The following DMXL1 variants were observed in gnomAD, a reference collection of about 807,000 sequenced individuals.
DMXL1 encodes Dmx like 1.
In DMXL1, 99 loss-of-function variants were observed where a neutral mutation model predicts 319.2. The observed-to-expected ratio is 0.31, with a 90% CI of 0.26 to 0.37. The LOEUF (loss-of-function observed/expected upper bound fraction) is 0.37. DMXL1 is among the 10% of genes least tolerant of loss of function. DMXL1 has a pLI of 1.00. For synonymous variants in DMXL1, 1,385 were observed against 1,235.2 expected, an observed-to-expected ratio of 1.12 and a Z score of -2.54; for missense variants, 3,745 against 3,595.6, an observed-to-expected ratio of 1.04 and a Z score of -1.06.
At chr5:119,147,210 C>G in intron 16 of DMXL1, 39 bp from the exon 17 acceptor site, 2 of 1,547,226 alleles carry the variant, frequency 1.3e-6, no homozygotes, top group Non-Finnish European at 1.8e-6. Context: ...TATAGGGTTC[C>G]CCTGCCTCAG....
intron 25 of DMXL1, among the ~76,000 whole-genome samples, chr5:119,173,776 G>GTGTATTTATATATATATATATATATA: frequency 1.5e-5 from 1 of 67,170 alleles, no homozygotes. Flanking sequence ...ATGTGTGTGT[G>GTGTATTTATATATATATATATATATA]TATATATATA....
At chr5:119,124,066 T>C (rs1367980951) in intron 9 of DMXL1, among the ~76,000 whole-genome samples, 5 of 151,380 alleles carry the variant, frequency 3.3e-5, no homozygotes, top group Admixed American at 2.6e-4. Context: ...CCCAACACTT[T>C]GGGAGGCTGA....
rs1193779331 is a variant in DMXL1, at chr5:119,134,117, T to G, written c.2193T>G (p.Leu731=). 3 of 1,614,082 alleles carry G rather than the reference T, an allele frequency of 1.9e-6. No homozygotes were observed. The highest frequency in any genetic ancestry group is 1.7e-6 in the Non-Finnish European group (2 of 1,180,052). Residue 731 remains leucine, a synonymous_variant, in exon 12 of 44, where the codon CTT becomes CTG. Coordinates refer to ENST00000539542, the MANE Select transcript of DMXL1 (RefSeq NM_001290321.3). ...CTGAGCTTGCCCGGATTAATTCTCT[T>G]CATGTTTCTGCCTTTTCCAATGTGG... ...GVSELARINS[L]HVSAFSNVAW...
chr5:119,162,144 A>G (rs920338062), intron 19 of DMXL1, among the ~76,000 whole-genome samples: 6 of 152,096 alleles, frequency 3.9e-5, no homozygotes, highest in Admixed American at 2.0e-4. Context: ...ACCGCAAGCA[A>G]ATCAGCTGGG....
chr5:119,214,628 C>G (rs1783368931), intron 34 of DMXL1, among the ~76,000 whole-genome samples: 1 of 152,056 alleles, frequency 6.6e-6, no homozygotes. Context: ...TGACCCACCC[C>G]CATGACATTC....
chr5:119,223,011 A>C (rs2150595199), intron 37 of DMXL1, among the ~76,000 whole-genome samples: 1 of 144,402 alleles, frequency 6.9e-6, no homozygotes, highest in South Asian at 2.2e-4. Flanking sequence ...CATCTTTATT[A>C]TCCCTTGCGC....
Position 119,216,262 on chromosome 5 carries a change from A to G in DMXL1, c.7927-639A>G, listed in dbSNP as rs192613657. On this transcript the variant is annotated intron_variant, in intron 34 of 43. Transcript: ENST00000539542. ...CCAAAGATGTATACACTTTGTCTGG[A>G]GTAAGCAGAAGGTCAAATATATGTC... Among the ~76,000 whole-genome samples, 9 of 152,270 alleles carry G rather than the reference A, an allele frequency of 5.9e-5. No homozygotes were observed. In the East Asian group the frequency reaches 1.5e-3, roughly 26 times the overall value.
chr5:119,237,156 A>T (rs1787909450), intron 39 of DMXL1, 166 bp from the exon 40 acceptor site: 1 of 394,650 alleles, frequency 2.5e-6, no homozygotes, highest in African/African-American at 2.1e-5. Flanking sequence ...TTAAAGTAGT[A>T]GCTGAATGTT....
chr5:119,149,137 A>C lies in DMXL1; in HGVS notation c.3310A>C (p.Thr1104Pro), dbSNP rs748359855. 1.9e-6 allele frequency: 3 copies of C among 1,613,998 alleles called. No individual in the cohort carries two copies. The South Asian group carries it at 3.3e-5, about 18-fold the overall frequency. The change falls in exon 18 of 44, where the codon ACA becomes CCA. Residue 1104 changes from threonine (T) to proline (P), a missense_variant. This residue lies in a region of DMXL1 where 2,096 missense variants were observed against 1,985.4 expected (regional missense o/e 1.06). Transcript: ENST00000539542. The part of the protein sequence containing the change: ...EQTIHLDELS[T>P]VLDSGISVDS... ...GACAATTCATTTAGATGAGTTAAGCACAGTATTGGATTCTGGCATTAGTGT... is the reference window on the plus strand; with the variant it reads ...GACAATTCATTTAGATGAGTTAAGCCCAGTATTGGATTCTGGCATTAGTGT...
At chr5:119,213,011 A>C (rs954506507) in intron 34 of DMXL1, among the ~76,000 whole-genome samples, 3 of 152,166 alleles carry the variant, frequency 2.0e-5, no homozygotes, top group Non-Finnish European at 4.4e-5. Context: ...GCCTGCACTC[A>C]AGCAGCTGAA....
Position 119,089,302 on chromosome 5 carries a change from T to A in DMXL1, c.88-8677T>A, listed in dbSNP as rs1315628930. On this transcript the variant is annotated intron_variant, in intron 1 of 43. Coordinates refer to ENST00000539542, the MANE Select transcript of DMXL1 (RefSeq NM_001290321.3). ...CATATATATATATATATTTTTTTTTTTTTTTTTTTTTTTTTTTTTTTGAGA... is the reference window on the plus strand; with the variant it reads ...CATATATATATATATATTTTTTTTTATTTTTTTTTTTTTTTTTTTTTGAGA... Among the ~76,000 whole-genome samples the A allele has an allele frequency of 1.7e-3, 131 of 76,402 alleles. 1 individual carries two copies. Among genetic ancestry groups the A allele is most frequent in the East Asian group, 8.2e-3 (8 of 970 alleles). The allele number at this position is 76,402 out of a possible 152,430, so 50.1% of individuals were successfully genotyped here. A position where few individuals can be genotyped will look rare whatever the true frequency, so the allele number is the denominator to read the frequency against.
At chr5:119,186,268 TTTG>T (rs912999460) in intron 28 of DMXL1, among the ~76,000 whole-genome samples, 5 of 152,096 alleles carry the variant, frequency 3.3e-5, no homozygotes, top group African/African-American at 1.2e-4. Context: ...GTTCAGTTAT[TTTG>T]TTGTTTGTTT....
At chr5:119,081,646 C>T (rs751678381) in intron 1 of DMXL1, 25 of 985,022 alleles carry the variant, frequency 2.5e-5, no homozygotes, top group African/African-American at 8.7e-5. Flanking sequence ...GATATAGAGC[C>T]GCAGAAACAA....
chr5:119,151,562 G>A (rs930206804), intron 18 of DMXL1, among the ~76,000 whole-genome samples: 1 of 152,088 alleles, frequency 6.6e-6, no homozygotes, highest in Admixed American at 6.5e-5. Flanking sequence ...AGTGTTAACA[G>A]CAGATTATTG....
chr5:119,193,616 A>C (rs1380184039), intron 29 of DMXL1, among the ~76,000 whole-genome samples: 1 of 152,148 alleles, frequency 6.6e-6, no homozygotes, highest in African/African-American at 2.4e-5. Context: ...CTTGCCGCAC[A>C]GTGGATACTT....
rs143766915 is a variant in DMXL1 at position 119,221,775 on chromosome 5, C to T, written c.8277+694C>T. Among the ~76,000 whole-genome samples, 508 of 129,806 alleles carry T rather than the reference C, an allele frequency of 3.9e-3. 3 individuals carry two copies. Among genetic ancestry groups the T allele is most frequent in the African/African-American group, 0.014 (500 of 36,112 alleles). The allele number at this position is 129,806 out of a possible 152,430, so 85.2% of individuals were successfully genotyped here. A position where few individuals can be genotyped will look rare whatever the true frequency, so the allele number is the denominator to read the frequency against. ...AGTATCACTTTTTTAAATGCCAGGA[C>T]AAATATTCTTTTTTTTTTTTTAACA... On this transcript the variant is annotated intron_variant, in intron 37 of 43. Transcript: ENST00000539542.
chr5:119,196,574 A>G, intron 31 of DMXL1, 118 bp downstream of exon 31: 2 of 700,796 alleles, frequency 2.9e-6, no homozygotes, highest in Non-Finnish European at 2.4e-6. Flanking sequence ...TTCCTGTTAC[A>G]GAAGTTAGAT....
rs59365686 is a variant in DMXL1 at position 119,077,754 on chromosome 5, A to AGTGTGTGT, written c.87+6125_87+6132dup. Reference sequence around the variant, plus strand: ...TGTACATATATACATTTATTTTTTAAGTGTGTGTGTGTGTGTGTGTGTGTG... The same window carrying AGTGTGTGT: ...TGTACATATATACATTTATTTTTTAAGTGTGTGTGTGTGTGTGTGTGTGTGTGTGTGTG... On this transcript the variant is annotated intron_variant, in intron 1 of 43. Transcript: ENST00000539542. Among the ~76,000 whole-genome samples, 446 of 125,398 alleles carry AGTGTGTGT rather than the reference A, an allele frequency of 3.6e-3. 4 individuals carry two copies. The highest frequency in any genetic ancestry group is 8.3e-3 in the African/African-American group (257 of 30,958). 82.3% of individuals were successfully genotyped at this position (125,398 alleles called of 152,430 possible). A position where few individuals can be genotyped will look rare whatever the true frequency, so the allele number is the denominator to read the frequency against.
intron 9 of DMXL1, among the ~76,000 whole-genome samples, chr5:119,124,319 A>G (rs1762997232): frequency 6.9e-6 from 1 of 145,600 alleles, no homozygotes; most frequent in Non-Finnish European, 1.5e-5. Flanking sequence ...CTCCATCTCA[A>G]AAAAAAAAAA....
Sources: gnomAD v4.1 joint callset for allele counts (sites outside exome capture counted in the v4.1 genomes callset) on GRCh38, gnomAD v4.1.1 for gene constraint, gnomAD v4.1.1 regional missense constraint, MANE v1.5 for transcripts, NCBI Gene and HGNC (gene_info 2026-07-23, HGNC 2026-07-21) for gene names.